The following PRDM15 variants were observed in gnomAD, a reference collection of about 807,000 sequenced individuals.
PRDM15 encodes the protein PR domain zinc finger protein 15.
PRDM15 carries 64 observed loss-of-function variants against 128.6 expected under a neutral mutation model. The ratio of observed to expected loss-of-function variants is 0.50; its 90% CI spans 0.41 to 0.61. The LOEUF is 0.61. PRDM15 is among the 20% of genes least tolerant of loss of function. The pLI is 0.00. For synonymous variants in PRDM15, 615 were observed against 621.8 expected (o/e 0.99, Z 0.16); for missense variants, 1,242 against 1,569.1 (o/e 0.79, Z 3.52).
chr21:41,869,441 T>A (rs2145998600), intron 1 of PRDM15, among the ~76,000 whole-genome samples: 1 of 82,738 alleles, frequency 1.2e-5, no homozygotes, highest in East Asian at 2.5e-4. Context: ...CACCGGCTAT[T>A]TTTTTTTTTT....
At chr21:41,853,491 C>T (rs999512454) in intron 5 of PRDM15, among the ~76,000 whole-genome samples, 1 of 152,090 alleles carries the variant, frequency 6.6e-6, no homozygotes, top group African/African-American at 2.4e-5. Context: ...GTGTCAGCTT[C>T]GGCAATATGA....
intron 2 of PRDM15, 55 bp downstream of exon 2, chr21:41,860,272 T>C: frequency 2.1e-6 from 3 of 1,427,610 alleles, no homozygotes; most frequent in Non-Finnish European, 3.0e-6. Context: ...CGCCCATCTG[T>C]GTTCTATGAC....
In PRDM15 at chr21:41,828,411, C is replaced by T. The variant is rs963594201; in HGVS notation, c.1367-78G>A. The T allele has an allele frequency of 1.1e-5, 16 of 1,508,642 alleles. No individual in the cohort carries two copies. Among genetic ancestry groups the T allele is most frequent in the African/African-American group, 6.9e-5 (5 of 72,906 alleles). 93.5% of individuals were successfully genotyped at this position (1,508,642 alleles called of 1,614,324 possible). A position where few individuals can be genotyped will look rare whatever the true frequency, so the allele number is the denominator to read the frequency against. ...CGCAGGCACGCACGTGTGGCCTGAA[C>T]GTCAATAAAGCGCGGGTGACGGGCA... On this transcript the variant is annotated intron_variant, in intron 11 of 23. Transcript: ENST00000398548. This position sits in a 1 kb window ranked among gnomAD's most constrained non-coding sequence, Gnocchi z 5.7.
rs115373338 is a variant in PRDM15, at chr21:41,847,936, T to C, written c.539-745A>G. Reference sequence around the variant, plus strand: ...TATAAAGAGAACTACAGGCACCTTTTAACAAAAAAGTCACTGATGCTCTTG... The same window carrying C: ...TATAAAGAGAACTACAGGCACCTTTCAACAAAAAAGTCACTGATGCTCTTG... On this transcript the variant is annotated intron_variant, in intron 5 of 23. Transcript: ENST00000398548. 6.2e-3 allele frequency among the ~76,000 whole-genome samples: 946 copies of C among 152,314 alleles called. 17 individuals carry two copies. Among genetic ancestry groups the C allele is most frequent in the African/African-American group, 0.021 (890 of 41,556 alleles).
At chr21:41,808,103 A>G (rs1362400258) in intron 21 of PRDM15, among the ~76,000 whole-genome samples, 1 of 152,258 alleles carries the variant, frequency 6.6e-6, no homozygotes, top group Non-Finnish European at 1.5e-5. Context: ...CACCGTCTTT[A>G]TCAATACGCG....
chr21:41,803,660 C>A (rs867275467), intron 22 of PRDM15, among the ~76,000 whole-genome samples: 1 of 152,324 alleles, frequency 6.6e-6, no homozygotes, highest in African/African-American at 2.4e-5. Context: ...CCGTCCCCCC[C>A]ATGCCTGTGA....
chr21:41,859,710 G>A lies in PRDM15; in HGVS notation c.38-25C>T, dbSNP rs1263458419. 1 of 1,600,082 alleles carries A rather than the reference G, an allele frequency of 6.2e-7. No individual in the cohort carries two copies. Reference sequence around the variant, plus strand: ...CCTGCAAGCAGACATCCGGGCATTAGAGCACCCAGGGAGGGAGACACCTAA... The same window carrying A: ...CCTGCAAGCAGACATCCGGGCATTAAAGCACCCAGGGAGGGAGACACCTAA... On this transcript the variant is annotated intron_variant, in intron 2 of 23. Transcript: ENST00000398548. The surrounding 1 kb of genome is among the most constrained non-coding windows in gnomAD (Gnocchi z 5.3).
rs539066026 is a variant in PRDM15 at position 41,861,536 on chromosome 21, C to A, written c.-9-1164G>T. The A allele has an allele frequency of 4.1e-5, 63 of 1,531,950 alleles. 2 individuals are homozygous for A. Among genetic ancestry groups the A allele is most frequent in the Admixed American group, 7.1e-5 (4 of 56,600 alleles). The allele number at this position is 1,531,950 out of a possible 1,614,324, so 94.9% of individuals were successfully genotyped here. On this transcript the variant is annotated intron_variant, in intron 1 of 23. Transcript: ENST00000398548. ...CACCAAATGATTATTCCTCCTCTGC[C>A]CCCCCCCAATCCCCAACTGTGCGCA...
intron 22 of PRDM15, among the ~76,000 whole-genome samples, chr21:41,803,529 G>T (rs1179376599): frequency 6.6e-6 from 1 of 152,194 alleles, no homozygotes; most frequent in African/African-American, 2.4e-5. Flanking sequence ...GGGCAGTGGT[G>T]GCCGGTGAGT....
At chr21:41,815,659 T>C (rs772570513) in intron 19 of PRDM15, 46 bp downstream of exon 19, 7 of 1,606,054 alleles carry the variant, frequency 4.4e-6, no homozygotes, top group Middle Eastern at 1.7e-4. Flanking sequence ...CTGGCTTCCC[T>C]ACACAGTGAG....
In PRDM15 at chr21:41,811,312, G is replaced by A. The variant is rs2037622298; in HGVS notation, c.2393-476C>T. On this transcript the variant is annotated intron_variant, in intron 19 of 23. Transcript: ENST00000398548. The surrounding 1 kb of genome is among the most constrained non-coding windows in gnomAD (Gnocchi z 4.1). ...ACTGCCGTGCTCGGACAAAATGAGT[G>A]TGATTCTTCAAAACTTGACTAATTC... The A allele has an allele frequency of 2.5e-5, 4 of 161,876 alleles. No individual in the cohort carries two copies. The highest frequency in any genetic ancestry group is 2.3e-4 in the Admixed American group (4 of 17,150). The allele number at this position is 161,876 out of a possible 1,614,324, so 10.0% of individuals were successfully genotyped here. A position where few individuals can be genotyped will look rare whatever the true frequency, so the allele number is the denominator to read the frequency against.
In PRDM15 at chr21:41,832,466, A is replaced by G. The variant is rs535049898; in HGVS notation, c.1366+2971T>C. On this transcript the variant is annotated intron_variant, in intron 11 of 23. Coordinates refer to ENST00000398548, the MANE Select transcript of PRDM15 (RefSeq NM_001040424.3). This position sits in a 1 kb window ranked among gnomAD's most constrained non-coding sequence, Gnocchi z 4.2. ...CCACACCTTACAGCACTGTGGCATC[A>G]GATCACCACAGGCCACACCTTTACA... Among the ~76,000 whole-genome samples the G allele has an allele frequency of 2.6e-5, 4 of 151,544 alleles. No individual in the cohort carries two copies. The highest frequency in any genetic ancestry group is 7.3e-5 in the African/African-American group (3 of 41,284).
intron 11 of PRDM15, among the ~76,000 whole-genome samples, chr21:41,829,179 C>A (rs2062590942): frequency 6.7e-6 from 1 of 149,838 alleles, no homozygotes; most frequent in African/African-American, 2.5e-5. Flanking sequence ...ACACACACCA[C>A]ATACACACAC....
chr21:41,802,588 CA>C, intron 23 of PRDM15, 123 bp downstream of exon 23: 1 of 815,596 alleles, frequency 1.2e-6, no homozygotes, highest in Non-Finnish European at 2.1e-6. Context: ...CTGCTGCCTT[CA>C]ACCACATGAA....
At chr21:41,806,698 C>G (rs1366994087) in intron 21 of PRDM15, among the ~76,000 whole-genome samples, 2 of 50,698 alleles carry the variant, frequency 3.9e-5, no homozygotes, top group African/African-American at 1.9e-4. Context: ...ACCACCACCA[C>G]CCATCACTAC....
At chr21:41,850,516 C>G (rs959185285) in intron 5 of PRDM15, among the ~76,000 whole-genome samples, 2 of 152,108 alleles carry the variant, frequency 1.3e-5, no homozygotes, top group Admixed American at 6.5e-5. Flanking sequence ...TTGCCCGAAT[C>G]CATGAGTTCA....
intron 21 of PRDM15, among the ~76,000 whole-genome samples, chr21:41,805,525 T>C (rs1244775327): frequency 2.0e-5 from 3 of 152,144 alleles, no homozygotes; most frequent in African/African-American, 7.2e-5. Context: ...GGCCCCTTCC[T>C]GGAAAAGATG....
At chr21:41,878,605 G>A (rs1456659205) in intron 1 of PRDM15, 19 of 692,488 alleles carry the variant, frequency 2.7e-5, no homozygotes, top group Non-Finnish European at 4.3e-6. Context: ...GGGTAGGCAC[G>A]CGTCACCTGT....
At chr21:41,806,093 TCACCAC>T (rs1568880492) in intron 21 of PRDM15, among the ~76,000 whole-genome samples, 15 of 2,294 alleles carry the variant, frequency 6.5e-3, no homozygotes, top group South Asian at 0.028. Flanking sequence ...ACCACCACCA[TCACCAC>T]CACCATCACC....
Sources: gnomAD v4.1 joint callset for allele counts (sites outside exome capture counted in the v4.1 genomes callset) on GRCh38, gnomAD v4.1.1 for gene constraint, Gnocchi (gnomAD v3.1) non-coding constraint, MANE v1.5 for transcripts, NCBI Gene and HGNC (gene_info 2026-07-23, HGNC 2026-07-21) for gene names.